CNTN5: variants seen among roughly 807,000 people sequenced by gnomAD.
The protein encoded by CNTN5 is contactin-5.
A neutral mutation model predicts 129.1 loss-of-function variants in CNTN5; 77 were observed. That is an observed-to-expected ratio of 0.60 (90% CI 0.50 to 0.72). CNTN5 has a LOEUF of 0.72. Ranked by LOEUF, CNTN5 falls within the 30% of genes least tolerant of loss-of-function variation. The probability of loss-of-function intolerance (pLI) is 0.00; values close to 1 mark genes in which losing one functional copy is unlikely to be tolerated. For missense variants in CNTN5, 1,478 were observed against 1,328.8 expected, an observed-to-expected ratio of 1.11 and a Z score of -1.75; for synonymous variants, 509 against 465.6, an observed-to-expected ratio of 1.09 and a Z score of -1.20.
intron 1 of CNTN5, among the ~76,000 whole-genome samples, chr11:99,163,925 G>T (rs1158052211): frequency 2.0e-5 from 3 of 152,172 alleles, no homozygotes; most frequent in African/African-American, 7.2e-5. Flanking sequence ...TAAGTGGTTT[G>T]TCTTGTTGCA....
intron 1 of CNTN5, among the ~76,000 whole-genome samples, chr11:99,244,201 G>A (rs2135768750): frequency 6.6e-6 from 1 of 152,090 alleles, no homozygotes; most frequent in Non-Finnish European, 1.5e-5. Flanking sequence ...TATATCCCTA[G>A]ATATTTCTTG....
At chr11:100,295,369 A>C (rs953339415) in intron 18 of CNTN5, among the ~76,000 whole-genome samples, 3 of 151,520 alleles carry the variant, frequency 2.0e-5, no homozygotes, top group Non-Finnish European at 4.4e-5. Flanking sequence ...AAGTGAATCA[A>C]ATCATAGAAG....
At chr11:100,021,074 T>G (rs1081365) in intron 9 of CNTN5, among the ~76,000 whole-genome samples, 63,757 of 151,950 alleles carry the variant, frequency 0.42, 13,736 homozygotes, top group East Asian at 0.56. Context: ...TGAATTTTTT[T>G]AAAATTTAGT....
At chr11:99,225,377 T>C (rs1270300276) in intron 1 of CNTN5, among the ~76,000 whole-genome samples, 1 of 152,174 alleles carries the variant, frequency 6.6e-6, no homozygotes, top group Non-Finnish European at 1.5e-5. Context: ...TTTATTGGCC[T>C]TTTTCTGTTT....
At chr11:99,482,012 G>A (rs1323238192) in intron 2 of CNTN5, among the ~76,000 whole-genome samples, 2 of 152,184 alleles carry the variant, frequency 1.3e-5, no homozygotes, top group South Asian at 2.1e-4. Flanking sequence ...ACCTTGCTAA[G>A]GTTCAACATC....
intron 1 of CNTN5, among the ~76,000 whole-genome samples, chr11:99,311,619 T>C (rs1361536812): frequency 6.6e-6 from 1 of 152,194 alleles, no homozygotes; most frequent in Non-Finnish European, 1.5e-5. Flanking sequence ...ACTTTGACCT[T>C]TGCCAAAGGT....
intron 9 of CNTN5, among the ~76,000 whole-genome samples, chr11:100,008,980 C>T (rs1441367131): frequency 1.3e-5 from 2 of 152,050 alleles, no homozygotes; most frequent in South Asian, 2.1e-4. Context: ...CATATTAGTG[C>T]AGCTATAATG....
chr11:99,097,433 T>C (rs1274285986), intron 1 of CNTN5, among the ~76,000 whole-genome samples: 1 of 151,944 alleles, frequency 6.6e-6, no homozygotes, highest in Admixed American at 6.6e-5. Context: ...TATACATTAT[T>C]ACAATGATTT....
chr11:100,340,854 G>A (rs1435350578), intron 22 of CNTN5, among the ~76,000 whole-genome samples: 1 of 152,116 alleles, frequency 6.6e-6, no homozygotes, highest in Non-Finnish European at 1.5e-5. Context: ...TGTGAAACAA[G>A]GCTAAGCGAT....
chr11:99,310,722 A>G (rs1865074031), intron 1 of CNTN5, among the ~76,000 whole-genome samples: 1 of 152,188 alleles, frequency 6.6e-6, no homozygotes, highest in Admixed American at 6.5e-5. Flanking sequence ...TATAGCAACA[A>G]TGATGGGTTT....
At chr11:99,702,826 T>A (rs1428812647) in intron 3 of CNTN5, among the ~76,000 whole-genome samples, 2 of 150,960 alleles carry the variant, frequency 1.3e-5, no homozygotes, top group East Asian at 3.9e-4. Context: ...AGCTGTTTAC[T>A]AAGGATAAAA....
chr11:100,038,547 T>G (rs1459172780), intron 9 of CNTN5, among the ~76,000 whole-genome samples: 4 of 152,214 alleles, frequency 2.6e-5, no homozygotes, highest in Non-Finnish European at 5.9e-5. Flanking sequence ...CTTGTTGATC[T>G]GTCTAATGTT....
intron 3 of CNTN5, among the ~76,000 whole-genome samples, chr11:99,658,879 ACT>A (rs1056527991): frequency 9.4e-6 from 1 of 105,842 alleles, no homozygotes; most frequent in African/African-American, 3.5e-5. Context: ...CAGGAGTGAA[ACT>A]CTGTCTCAAA....
At chr11:100,346,556 A>G (rs531166868) in intron 23 of CNTN5, among the ~76,000 whole-genome samples, 4 of 152,232 alleles carry the variant, frequency 2.6e-5, no homozygotes, top group African/African-American at 9.6e-5. Flanking sequence ...GAAAAGACAC[A>G]AGCAGTCAGA....
chr11:99,920,271 C>A (rs530732633), intron 7 of CNTN5, among the ~76,000 whole-genome samples: 1 of 152,220 alleles, frequency 6.6e-6, no homozygotes, highest in Admixed American at 6.5e-5. Context: ...TGATTTGTCT[C>A]ATCTCCTCAA....
At chr11:99,099,549 T>TACACACACACAC (rs57981357) in intron 1 of CNTN5, among the ~76,000 whole-genome samples, 2 of 149,652 alleles carry the variant, frequency 1.3e-5, no homozygotes, top group Admixed American at 6.7e-5. Context: ...ATAATGTGTA[T>TACACACACACAC]ACACACACAC....
At chr11:100,336,836 C>A in intron 21 of CNTN5, 1 of 442,530 alleles carries the variant, frequency 2.3e-6, no homozygotes, top group Non-Finnish European at 4.1e-6. Flanking sequence ...CCGGCCTCTT[C>A]CCCAGAGAAT....
rs193148609 is a variant in CNTN5, at chr11:99,823,572, T to C, written c.277+3807T>C. Among the ~76,000 whole-genome samples the C allele has an allele frequency of 9.2e-5, 14 of 152,270 alleles. No homozygotes were observed. The East Asian group carries it at 2.7e-3, about 29-fold the overall frequency. On this transcript the variant is annotated intron_variant, in intron 4 of 24. Transcript: ENST00000524871. The stretch of plus-strand genomic sequence containing the variant: ...TATAATTCCAATTGTCCTACTATTT[T>C]AAGTGCTCATAGTTTATATTAAATG...
intron 3 of CNTN5, among the ~76,000 whole-genome samples, chr11:99,735,685 A>C (rs991699431): frequency 6.6e-6 from 1 of 152,198 alleles, no homozygotes; most frequent in African/African-American, 2.4e-5. Context: ...TGACAAACAG[A>C]CGTTATATAC....
Sources: allele counts gnomAD v4.1 joint callset (sites outside exome capture counted in the v4.1 genomes callset), GRCh38; gene constraint gnomAD v4.1.1; transcripts MANE v1.5; gene names NCBI Gene and HGNC (gene_info 2026-07-23, HGNC 2026-07-21).